PKIB: variants seen among roughly 807,000 people sequenced by gnomAD.
PKIB encodes the protein PKI-beta.
In PKIB, 2 loss-of-function variants were observed where a neutral mutation model predicts 4.5. That is an observed-to-expected ratio of 0.44 (90% CI 0.18 to 1.39). The LOEUF (loss-of-function observed/expected upper bound fraction) is 1.39, where lower values mean the gene tolerates loss of function less well. Ranked by LOEUF, PKIB falls within the 40% of genes most tolerant of loss-of-function variation. The pLI, the probability that PKIB is intolerant of heterozygous loss-of-function variation, is 0.27. For synonymous variants in PKIB, 38 were observed against 36.0 expected, an observed-to-expected ratio of 1.06 and a Z score of -0.20; for missense variants, 94 against 92.6, an observed-to-expected ratio of 1.02 and a Z score of -0.06.
At chr6:122,659,500 T>C (rs889929897) in intron 2 of PKIB, among the ~76,000 whole-genome samples, 1 of 152,100 alleles carries the variant, frequency 6.6e-6, no homozygotes, top group Non-Finnish European at 1.5e-5. Flanking sequence ...TACTTGATTG[T>C]TTTCCCCACA....
intron 3 of PKIB, among the ~76,000 whole-genome samples, chr6:122,710,539 G>C (rs1779232850): frequency 6.6e-6 from 1 of 152,108 alleles, no homozygotes; most frequent in African/African-American, 2.4e-5. Context: ...ATGAGAAATG[G>C]GTGGTCTGAG....
At chr6:122,696,823 C>T (rs1367782258) in intron 3 of PKIB, among the ~76,000 whole-genome samples, 3 of 152,330 alleles carry the variant, frequency 2.0e-5, no homozygotes, top group East Asian at 3.9e-4. Flanking sequence ...TGAGGGTCAG[C>T]GTGGACACAG....
intron 3 of PKIB, among the ~76,000 whole-genome samples, chr6:122,687,657 A>G (rs1778146910): frequency 6.6e-6 from 1 of 152,008 alleles, no homozygotes; most frequent in African/African-American, 2.4e-5. Flanking sequence ...TCAGGGTTTT[A>G]GTTTTTATTG....
At chr6:122,612,543 A>G (rs1774804668) in intron 1 of PKIB, among the ~76,000 whole-genome samples, 1 of 152,166 alleles carries the variant, frequency 6.6e-6, no homozygotes, top group African/African-American at 2.4e-5. Flanking sequence ...ATGGAATGAT[A>G]TACTATATGG....
chr6:122,478,731 AT>A (rs1318831650), intron 2 of PKIB: 14 of 152,194 alleles, frequency 9.2e-5, no homozygotes, highest in African/African-American at 3.4e-4. Flanking sequence ...ACAACCATGG[AT>A]TAAATGCCAA....
At chr6:122,540,361 A>G (rs1777555531) in intron 2 of PKIB, among the ~76,000 whole-genome samples, 2 of 151,778 alleles carry the variant, frequency 1.3e-5, no homozygotes, top group Non-Finnish European at 2.9e-5. Flanking sequence ...AATGTGTCCC[A>G]GAGATTCTGG....
intron 1 of PKIB, among the ~76,000 whole-genome samples, chr6:122,618,924 C>A (rs1465483409): frequency 6.6e-6 from 1 of 151,982 alleles, no homozygotes; most frequent in African/African-American, 2.4e-5. Context: ...AGTTTACATT[C>A]AAAATAATAC....
At chr6:122,662,288 C>T (rs1437805206) in intron 2 of PKIB, among the ~76,000 whole-genome samples, 4 of 90,286 alleles carry the variant, frequency 4.4e-5, no homozygotes, top group East Asian at 3.0e-4. Flanking sequence ...TTTCTCTCTC[C>T]TTCTTTCTTT....
At chr6:122,546,855 A>G (rs1462615070) in intron 2 of PKIB, among the ~76,000 whole-genome samples, 1 of 152,144 alleles carries the variant, frequency 6.6e-6, no homozygotes, top group Non-Finnish European at 1.5e-5. Context: ...AAGAGAAAGG[A>G]TGTTTTCCTT....
At chr6:122,535,185 T>C (rs1202574497) in intron 2 of PKIB, among the ~76,000 whole-genome samples, 1 of 152,156 alleles carries the variant, frequency 6.6e-6, no homozygotes, top group Non-Finnish European at 1.5e-5. Flanking sequence ...AATTAATTAA[T>C]TAATTTGTGT....
intron 3 of PKIB, among the ~76,000 whole-genome samples, chr6:122,705,758 G>A (rs981983560): frequency 6.6e-6 from 1 of 151,734 alleles, no homozygotes; most frequent in African/African-American, 2.4e-5. Context: ...GTAGACATGG[G>A]GTTTCACCAT....
chr6:122,696,378 A>G (rs555537630), intron 3 of PKIB, among the ~76,000 whole-genome samples: 51 of 152,330 alleles, frequency 3.3e-4, no homozygotes, highest in Admixed American at 3.9e-4. Context: ...GTCTCTGTGA[A>G]GGTGGCCAGG....
rs1334771841 is a variant in PKIB, at chr6:122,576,689, A to AAT, written c.-247-9211_-247-9210dup. Among the ~76,000 whole-genome samples, 195 of 34,304 alleles carry AAT rather than the reference A, an allele frequency of 5.7e-3. 5 individuals are homozygous for AAT. The highest frequency in any genetic ancestry group is 0.036 in the Middle Eastern group (1 of 28). The allele number at this position is 34,304 out of a possible 152,430, so 22.5% of individuals were successfully genotyped here. On this transcript the variant is annotated intron_variant, in intron 2 of 6. Coordinates refer to the PKIB transcript ENST00000392491. The stretch of plus-strand genomic sequence containing the variant: ...ATCTCAAAAAAAAAAAAAAAAAAAA[A>AAT]ATATATATATATATATATATATTTT...
intron 2 of PKIB, among the ~76,000 whole-genome samples, chr6:122,559,445 C>T (rs775769873): frequency 6.6e-6 from 1 of 151,940 alleles, no homozygotes; most frequent in Non-Finnish European, 1.5e-5. Flanking sequence ...GTGACTATGG[C>T]CTTATAGTAT....
intron 2 of PKIB, among the ~76,000 whole-genome samples, chr6:122,655,451 G>T (rs1324718650): frequency 6.6e-6 from 1 of 152,170 alleles, no homozygotes; most frequent in South Asian, 2.1e-4. Flanking sequence ...CCTCATGTGA[G>T]GATACAGCAA....
At chr6:122,576,210 T>C (rs1562257283) in intron 2 of PKIB, among the ~76,000 whole-genome samples, 1 of 152,188 alleles carries the variant, frequency 6.6e-6, no homozygotes, top group Non-Finnish European at 1.5e-5. Context: ...ACTTAAAATA[T>C]ATATTTTGGC....
At chr6:122,489,262 T>C (rs1277536600) in intron 2 of PKIB, among the ~76,000 whole-genome samples, 1 of 151,544 alleles carries the variant, frequency 6.6e-6, no homozygotes, top group African/African-American at 2.4e-5. Flanking sequence ...ATTATTATTA[T>C]TTTTGAGAAA....
At chr6:122,562,118 A>G (rs1423156026) in intron 2 of PKIB, among the ~76,000 whole-genome samples, 1 of 103,722 alleles carries the variant, frequency 9.6e-6, no homozygotes, top group Non-Finnish European at 2.1e-5. Context: ...CAAGATTTAG[A>G]GCTCTTTTAG....
At chr6:122,577,629 G>C (rs950273668) in intron 2 of PKIB, among the ~76,000 whole-genome samples, 3 of 152,078 alleles carry the variant, frequency 2.0e-5, no homozygotes, top group African/African-American at 7.2e-5. Flanking sequence ...CATTTATTGG[G>C]CCGGGCGCTG....
Sources: allele counts gnomAD v4.1 joint callset (sites outside exome capture counted in the v4.1 genomes callset), GRCh38; gene constraint gnomAD v4.1.1; transcripts MANE v1.5; gene names NCBI Gene and HGNC (gene_info 2026-07-23, HGNC 2026-07-21).